The following PPP6R2 variants were observed in gnomAD, a reference collection of about 807,000 sequenced individuals.
PPP6R2 encodes the protein protein phosphatase 6 regulatory subunit 2.
PPP6R2 carries 62 observed loss-of-function variants against 100.2 expected under a neutral mutation model. The ratio of observed to expected loss-of-function variants is 0.62; its 90% CI spans 0.50 to 0.76. The LOEUF is 0.76. Ranked by LOEUF, PPP6R2 falls within the 30% of genes least tolerant of loss-of-function variation. The pLI is 0.00. For missense variants in PPP6R2, 1,142 were observed against 1,276.3 expected (o/e 0.89, Z 1.60); for synonymous variants, 525 against 514.7 (o/e 1.02, Z -0.27).
chr22:50,415,957 T>C, intron 5 of PPP6R2, 135 bp from the exon 6 acceptor site: 1 of 760,046 alleles, frequency 1.3e-6, no homozygotes. Flanking sequence ...TGTGTGTTCT[T>C]TCTGGGTCTG....
At position 50,437,334 on chromosome 22, in the gene PPP6R2, C is replaced by T. The variant is rs1366703329; in HGVS notation, c.1684-172C>T. On this transcript the variant is annotated intron_variant, in intron 15 of 23. Coordinates refer to ENST00000612753, the MANE Select transcript of PPP6R2 (RefSeq NM_001242898.2). ...AGATGTGACCGCAGCGAGCGCGCAGCCTGAGTTTTGGTAGAATCGTGAGCC... is the reference window on the plus strand; with the variant it reads ...AGATGTGACCGCAGCGAGCGCGCAGTCTGAGTTTTGGTAGAATCGTGAGCC... Among the ~76,000 whole-genome samples the T allele has an allele frequency of 2.0e-5, 3 of 152,210 alleles. No individual in the cohort carries two copies. The East Asian group carries it at 5.8e-4, about 29-fold the overall frequency.
intron 2 of PPP6R2, 100 bp from the exon 3 acceptor site, chr22:50,393,793 T>C: frequency 6.4e-7 from 1 of 1,553,262 alleles, no homozygotes; most frequent in Non-Finnish European, 8.7e-7. Context: ...AGGGTGGATC[T>C]GCAGAGGTGA....
intron 2 of PPP6R2, among the ~76,000 whole-genome samples, chr22:50,388,634 G>T (rs1052427690): frequency 1.3e-5 from 2 of 152,064 alleles, no homozygotes; most frequent in Admixed American, 1.3e-4. Context: ...AGCATTTTGG[G>T]AGGCCGAGGC....
At chr22:50,357,408 C>G (rs1221708635) in intron 1 of PPP6R2, among the ~76,000 whole-genome samples, 4 of 151,516 alleles carry the variant, frequency 2.6e-5, no homozygotes, top group Non-Finnish European at 5.9e-5. Flanking sequence ...CTCTCTCCAT[C>G]CCTCTTCTTT....
At chr22:50,406,575 T>C in intron 3 of PPP6R2, 114 bp from the exon 4 acceptor site, 4 of 930,190 alleles carry the variant, frequency 4.3e-6, no homozygotes, top group South Asian at 3.1e-5. Context: ...CTGAGGTCTG[T>C]AGTGTTTGTT....
At chr22:50,369,597 T>A (rs542143012) in intron 1 of PPP6R2, among the ~76,000 whole-genome samples, 146 of 152,250 alleles carry the variant, frequency 9.6e-4, no homozygotes, top group African/African-American at 3.0e-3. Context: ...CACTGCAACC[T>A]CTGCCTCCAG....
chr22:50,441,927 A>C (rs1303682673), intron 22 of PPP6R2, among the ~76,000 whole-genome samples: 2 of 151,984 alleles, frequency 1.3e-5, no homozygotes, highest in Non-Finnish European at 2.9e-5. Context: ...CGTGGGGAGG[A>C]GGGCGCACCC....
intron 3 of PPP6R2, among the ~76,000 whole-genome samples, chr22:50,400,365 C>T (rs1378800327): frequency 2.6e-5 from 4 of 152,106 alleles, no homozygotes; most frequent in Non-Finnish European, 5.9e-5. Flanking sequence ...AGATGGAGTT[C>T]GTGGGTGGTG....
At chr22:50,410,961 T>C (rs1451932866) in intron 4 of PPP6R2, among the ~76,000 whole-genome samples, 1 of 152,016 alleles carries the variant, frequency 6.6e-6, no homozygotes, top group Admixed American at 6.6e-5. Context: ...CCCGCTAATT[T>C]TTGTATTTTT....
chr22:50,431,479 C>A lies in PPP6R2; in HGVS notation c.1335+97C>A. 1.8e-6 allele frequency: 2 copies of A among 1,137,832 alleles called. No individual in the cohort carries two copies. The highest frequency in any genetic ancestry group is 2.5e-6 in the Non-Finnish European group (2 of 799,308). 70.5% of individuals were successfully genotyped at this position (1,137,832 alleles called of 1,614,324 possible). A position where few individuals can be genotyped will look rare whatever the true frequency, so the allele number is the denominator to read the frequency against. Reference sequence around the variant, plus strand: ...ACGTGTGCCGGACCTCACTGTGCAGCTGACACGGGGGCAGGGCTTTGAAAA... The same window carrying A: ...ACGTGTGCCGGACCTCACTGTGCAGATGACACGGGGGCAGGGCTTTGAAAA... On this transcript the variant is annotated intron_variant, in intron 11 of 23. Coordinates refer to ENST00000612753, the MANE Select transcript of PPP6R2 (RefSeq NM_001242898.2). This position sits in a 1 kb window ranked among gnomAD's most constrained non-coding sequence, Gnocchi z 4.8.
intron 22 of PPP6R2, among the ~76,000 whole-genome samples, chr22:50,442,121 GT>G (rs2065793082): frequency 6.6e-6 from 1 of 152,170 alleles, no homozygotes; most frequent in African/African-American, 2.4e-5. Flanking sequence ...GGGTGAGGGT[GT>G]CCCCCAGCCT....
At chr22:50,357,528 C>T (rs914281857) in intron 1 of PPP6R2, among the ~76,000 whole-genome samples, 1 of 151,834 alleles carries the variant, frequency 6.6e-6, no homozygotes, top group Non-Finnish European at 1.5e-5. Context: ...AGGTCTCACT[C>T]TGTCACCCAG....
chr22:50,338,410 ATGTGTGTGTAGGGTG>A (rs1162806005), upstream of PPP6R2, among the ~76,000 whole-genome samples: 1 of 77,798 alleles, frequency 1.3e-5, no homozygotes, highest in Non-Finnish European at 2.2e-5. Context: ...TGTGTGTGGT[ATGTGTGTGTAGGGTG>A]TGTGGTGTGT....
At chr22:50,340,078 TG>T (rs2042355152), upstream of PPP6R2, among the ~76,000 whole-genome samples, 1 of 141,500 alleles carries the variant, frequency 7.1e-6, no homozygotes, top group Non-Finnish European at 1.5e-5. Context: ...GATGTGTGTG[TG>T]GTGTGTGTGG....
At chr22:50,355,098 C>A (rs1482613336) in intron 1 of PPP6R2, among the ~76,000 whole-genome samples, 1 of 152,044 alleles carries the variant, frequency 6.6e-6, no homozygotes, top group Non-Finnish European at 1.5e-5. Flanking sequence ...CCACCTCAGC[C>A]TCCCAAAGTA....
At chr22:50,353,675 C>A (rs59374353) in intron 1 of PPP6R2, among the ~76,000 whole-genome samples, 30,510 of 151,942 alleles carry the variant, frequency 0.2, 3,259 homozygotes, top group South Asian at 0.36. Flanking sequence ...ACATTACCTG[C>A]GAAGCACAAT....
At chr22:50,436,280 C>T in intron 13 of PPP6R2, 87 bp from the exon 14 acceptor site, 1 of 1,215,602 alleles carries the variant, frequency 8.2e-7, no homozygotes, top group South Asian at 1.3e-5. Flanking sequence ...CCTCCCGGAC[C>T]CAGGATGCAC....
the PPP6R2 span, among the ~76,000 whole-genome samples, chr22:50,336,527 C>T: frequency 6.6e-6 from 1 of 152,158 alleles, no homozygotes; most frequent in African/African-American, 2.4e-5. Context: ...AGTCGTGCAT[C>T]ACCATGCCCA....
intron 13 of PPP6R2, 36 bp from the exon 14 acceptor site, chr22:50,436,331 T>G (rs1158608529): frequency 6.5e-7 from 1 of 1,544,882 alleles, no homozygotes; most frequent in South Asian, 1.2e-5. Context: ...CTGCACGGGG[T>G]CTCCCAGGGC....
Sources: gnomAD v4.1 joint callset for allele counts (sites outside exome capture counted in the v4.1 genomes callset) on GRCh38, gnomAD v4.1.1 for gene constraint, Gnocchi (gnomAD v3.1) non-coding constraint, MANE v1.5 for transcripts, NCBI Gene and HGNC (gene_info 2026-07-23, HGNC 2026-07-21) for gene names.